Variants in RALGPS1 observed in about 807,000 individuals in gnomAD.
RALGPS1 encodes ras-specific guanine nucleotide-releasing factor RalGPS1.
A neutral mutation model predicts 78.8 loss-of-function variants in RALGPS1; 19 were observed. That is an observed-to-expected ratio of 0.24 (90% confidence interval 0.17 to 0.35). The LOEUF (loss-of-function observed/expected upper bound fraction) is 0.35, where lower values mean the gene tolerates loss of function less well. Among genes scored for constraint, RALGPS1 ranks in the 10% least tolerant of loss-of-function variants. The pLI, the probability that RALGPS1 is intolerant of heterozygous loss-of-function variation, is 1.00. For synonymous variants in RALGPS1, 228 were observed against 256.3 expected, an observed-to-expected ratio of 0.89 and a Z score of 1.06; for missense variants, 454 against 688.3, an observed-to-expected ratio of 0.66 and a Z score of 3.81.
In RALGPS1 at chr9:127,166,054, C is replaced by T. The variant is rs759536434; in HGVS notation, c.611-15C>T. The T allele has an allele frequency of 6.3e-7, 1 of 1,595,664 alleles. No homozygotes were observed. Among genetic ancestry groups the T allele is most frequent in the Non-Finnish European group, 8.5e-7 (1 of 1,172,610 alleles). ...GTAAGCTCCTTCCATCATGAAATAT[C>T]TTCTTTAATTTTAGGAATCTATCTT... is the stretch of plus-strand genomic sequence containing the variant. On this transcript the variant is annotated splice_polypyrimidine_tract_variant and intron_variant, in intron 8 of 18. Transcript: ENST00000259351.
intron 5 of RALGPS1, among the ~76,000 whole-genome samples, chr9:127,035,988 C>A (rs540546172): frequency 6.6e-6 from 1 of 152,224 alleles, no homozygotes; most frequent in Non-Finnish European, 1.5e-5. Flanking sequence ...ACTCAGTCCC[C>A]ACCTCTGACC....
chr9:126,928,499 A>T (rs182615191), intron 1 of RALGPS1, among the ~76,000 whole-genome samples: 56 of 152,332 alleles, frequency 3.7e-4, no homozygotes, highest in Admixed American at 3.7e-3. Context: ...AATGCTATTC[A>T]GCTCCTATAG....
chr9:127,092,056 A>G (rs1589422045), intron 8 of RALGPS1: 1 of 1,322,128 alleles, frequency 7.6e-7, no homozygotes. Flanking sequence ...CAGAGCATGA[A>G]GCAGACCTGG....
At chr9:127,050,338 C>T (rs1399630792) in intron 6 of RALGPS1, among the ~76,000 whole-genome samples, 5 of 152,300 alleles carry the variant, frequency 3.3e-5, no homozygotes, top group Admixed American at 6.5e-5. Flanking sequence ...GCACCTTGTG[C>T]GCAAATTGGC....
At chr9:126,935,383 C>G (rs2036165024) in intron 1 of RALGPS1, among the ~76,000 whole-genome samples, 1 of 152,140 alleles carries the variant, frequency 6.6e-6, no homozygotes. Flanking sequence ...TTGAGCTAAC[C>G]AGAGAATAAG....
At chr9:126,993,646 A>G (rs1398361304) in intron 4 of RALGPS1, among the ~76,000 whole-genome samples, 1 of 151,848 alleles carries the variant, frequency 6.6e-6, no homozygotes, top group East Asian at 1.9e-4. Context: ...AAGATGGGTG[A>G]TTTCTGCATT....
chr9:126,944,464 A>G (rs1397205262), intron 1 of RALGPS1, among the ~76,000 whole-genome samples: 1 of 151,998 alleles, frequency 6.6e-6, no homozygotes, highest in Admixed American at 6.6e-5. Context: ...TAACAGGTGT[A>G]AAATGCCTGA....
At chr9:127,200,607 G>A (rs1209621934) in intron 14 of RALGPS1, among the ~76,000 whole-genome samples, 1 of 152,252 alleles carries the variant, frequency 6.6e-6, no homozygotes, top group East Asian at 1.9e-4. Context: ...TGGTGGGGGA[G>A]TGGCGATATG....
At chr9:127,170,701 T>G (rs2059527751) in intron 10 of RALGPS1, among the ~76,000 whole-genome samples, 1 of 152,228 alleles carries the variant, frequency 6.6e-6, no homozygotes, top group Non-Finnish European at 1.5e-5. Context: ...AAATGGCCTA[T>G]AAGTACTTCT....
chr9:126,943,017 A>T (rs1263587692), intron 1 of RALGPS1, among the ~76,000 whole-genome samples: 1 of 152,186 alleles, frequency 6.6e-6, no homozygotes, highest in Non-Finnish European at 1.5e-5. Context: ...TTATAGCTGG[A>T]TAGATATCAT....
chr9:127,010,759 C>T (rs886127519), intron 4 of RALGPS1, among the ~76,000 whole-genome samples: 2 of 152,240 alleles, frequency 1.3e-5, no homozygotes, highest in Non-Finnish European at 2.9e-5. Flanking sequence ...TCAAAATCAT[C>T]CACGTTAGTG....
chr9:127,108,506 G>C lies in RALGPS1; in HGVS notation c.610+39150G>C, dbSNP rs1253951658. On this transcript the variant is annotated intron_variant, in intron 8 of 18. Transcript: ENST00000259351. Reference sequence around the variant, plus strand: ...ACTCGGTTCTCCAGAAGCACCTCAGGCTCCTTGGAGTTGACGCAGATGGCA... The same window carrying C: ...ACTCGGTTCTCCAGAAGCACCTCAGCCTCCTTGGAGTTGACGCAGATGGCA... The C allele has an allele frequency of 1.6e-5, 25 of 1,612,762 alleles. No individual in the cohort carries two copies. The highest frequency in any genetic ancestry group is 2.0e-5 in the Non-Finnish European group (24 of 1,179,682).
intron 1 of RALGPS1, among the ~76,000 whole-genome samples, chr9:126,937,557 T>C (rs911467648): frequency 6.6e-6 from 1 of 152,152 alleles, no homozygotes; most frequent in African/African-American, 2.4e-5. Context: ...GTTGGTATAG[T>C]GGGATCAAAG....
chr9:126,918,081 A>C (rs942301620), intron 1 of RALGPS1, among the ~76,000 whole-genome samples: 3 of 152,372 alleles, frequency 2.0e-5, no homozygotes, highest in East Asian at 1.9e-4. Flanking sequence ...AGGTGTGGCA[A>C]GTTGTCCCTG....
intron 11 of RALGPS1, among the ~76,000 whole-genome samples, chr9:127,188,529 C>G (rs2060812053): frequency 6.6e-6 from 1 of 152,112 alleles, no homozygotes; most frequent in African/African-American, 2.4e-5. Flanking sequence ...GAACTGGGGC[C>G]TCAGAGAGCC....
chr9:126,933,104 T>C (rs569812001), intron 1 of RALGPS1, among the ~76,000 whole-genome samples: 2 of 151,624 alleles, frequency 1.3e-5, no homozygotes, highest in African/African-American at 4.8e-5. Context: ...GGAAGCTTGG[T>C]GAGAGGACAA....
Position 126,962,305 on chromosome 9 carries a change from G to A in RALGPS1, c.16G>A (p.Gly6Ser). 6.2e-7 allele frequency: 1 copy of A among 1,614,174 alleles called. No homozygotes were observed. The highest frequency in any genetic ancestry group is 8.5e-7 in the Non-Finnish European group (1 of 1,180,016). The change falls in exon 2 of 19, where the codon GGT becomes AGT. Residue 6 changes from glycine (G) to serine (S), a missense_variant. Physicochemically the swap from Gly to Ser is moderately conservative, Grantham distance 56. Transcript: ENST00000259351. ...CCTGGAGACTATGTACAAGAGGAAT[G>A]GTCTGATGGCTAGCGTGTTGGTCAC... Reference protein sequence around the residue: MYKRNGLMASVLVTSA... With the variant: MYKRNSLMASVLVTSA...
At chr9:126,928,875 T>A (rs1703986402) in intron 1 of RALGPS1, among the ~76,000 whole-genome samples, 1 of 152,178 alleles carries the variant, frequency 6.6e-6, no homozygotes, top group Admixed American at 6.5e-5. Context: ...GTGCTGAGAT[T>A]ACAGATGTGA....
chr9:127,110,427 A>G (rs1405173309), intron 8 of RALGPS1, among the ~76,000 whole-genome samples: 2 of 152,078 alleles, frequency 1.3e-5, no homozygotes, highest in African/African-American at 2.4e-5. Context: ...TCTACTGTTG[A>G]GGGGACCCAA....
Sources: gnomAD v4.1 joint callset for allele counts (sites outside exome capture counted in the v4.1 genomes callset) on GRCh38, gnomAD v4.1.1 for gene constraint, MANE v1.5 for transcripts, NCBI Gene and HGNC (gene_info 2026-07-23, HGNC 2026-07-21) for gene names.